Variants in AGK observed in about 807,000 individuals in gnomAD.
The protein encoded by AGK is acylglycerol kinase.
AGK carries 52 observed loss-of-function variants against 66.4 expected under a neutral mutation model. That is an observed-to-expected ratio of 0.78 (90% CI 0.63 to 0.99). The LOEUF (loss-of-function observed/expected upper bound fraction) is 0.99. AGK is among the 50% of genes least tolerant of loss of function. The probability of loss-of-function intolerance (pLI) is 0.00; values close to 1 mark genes in which losing one functional copy is unlikely to be tolerated. For missense variants in AGK, 451 were observed against 506.6 expected, an observed-to-expected ratio of 0.89 and a Z score of 1.05; for synonymous variants, 182 against 181.1, an observed-to-expected ratio of 1.00 and a Z score of -0.04.
chr7:141,639,698 T>C (rs774710877), intron 11 of AGK, among the ~76,000 whole-genome samples: 10 of 152,124 alleles, frequency 6.6e-5, no homozygotes, highest in Non-Finnish European at 1.5e-4. Flanking sequence ...TGAAGAAAGA[T>C]GAATGTAGGA....
chr7:141,609,312 C>T (rs548835625), intron 5 of AGK, among the ~76,000 whole-genome samples: 13 of 152,294 alleles, frequency 8.5e-5, no homozygotes, highest in Non-Finnish European at 1.3e-4. Context: ...ACACTTCAGG[C>T]GCCAGTCTCA....
At chr7:141,577,877 G>A (rs568032489) in intron 2 of AGK, among the ~76,000 whole-genome samples, 12 of 150,260 alleles carry the variant, frequency 8.0e-5, no homozygotes, top group African/African-American at 2.9e-4. Context: ...GGCGTGCAGT[G>A]GTGTGATCTC....
rs1228189116 is a variant in AGK at position 141,653,784 on chromosome 7, AT to A, written c.*864del. On this transcript the variant is annotated 3_prime_UTR_variant, in exon 16 of 16. Transcript: ENST00000649286. Reference sequence around the variant, plus strand: ...TCACCCATCTAAGTTGATATCTAAAATTTTATCTAAGTTGGTATCTAAAATT... The same window carrying A: ...TCACCCATCTAAGTTGATATCTAAAATTTATCTAAGTTGGTATCTAAAATT... The A allele has an allele frequency of 2.0e-5, 3 of 152,204 alleles. No individual in the cohort carries two copies. The highest frequency in any genetic ancestry group is 4.4e-5 in the Non-Finnish European group (3 of 68,036). The allele number at this position is 152,204 out of a possible 1,614,324, so 9.4% of individuals were successfully genotyped here. A position where few individuals can be genotyped will look rare whatever the true frequency, so the allele number is the denominator to read the frequency against.
At chr7:141,564,245 A>G (rs539473383) in intron 2 of AGK, among the ~76,000 whole-genome samples, 1 of 152,178 alleles carries the variant, frequency 6.6e-6, no homozygotes, top group African/African-American at 2.4e-5. Context: ...TGACCACTGT[A>G]TTAGTTTGTT....
At chr7:141,632,214 A>T (rs1453166063) in intron 9 of AGK, among the ~76,000 whole-genome samples, 1 of 151,540 alleles carries the variant, frequency 6.6e-6, no homozygotes, top group Non-Finnish European at 1.5e-5. Context: ...CTGGGCAACA[A>T]GAGTGAAACT....
intron 3 of AGK, chr7:141,593,553 G>A: frequency 1.7e-6 from 1 of 572,854 alleles, no homozygotes; most frequent in South Asian, 2.4e-5. Flanking sequence ...TTCAGAGCAA[G>A]TGTTACCTCT....
intron 14 of AGK, chr7:141,650,664 G>A: frequency 1.0e-6 from 1 of 985,396 alleles, no homozygotes; most frequent in Non-Finnish European, 1.2e-6. Context: ...TGGAGTGTGT[G>A]TCTGTATATG....
At chr7:141,556,409 C>T (rs553619976) in intron 2 of AGK, among the ~76,000 whole-genome samples, 9 of 151,982 alleles carry the variant, frequency 5.9e-5, no homozygotes, top group Non-Finnish European at 1.0e-4. Context: ...GCAGTAGTGG[C>T]GTGCACCTGT....
chr7:141,612,611 T>C (rs1796614502), intron 6 of AGK, among the ~76,000 whole-genome samples: 1 of 152,122 alleles, frequency 6.6e-6, no homozygotes, highest in Non-Finnish European at 1.5e-5. Context: ...ATGTTGATAA[T>C]GGGCGGAAGG....
In AGK at chr7:141,555,120, G is replaced by A. The variant is rs186615594; in HGVS notation, c.-14-333G>A. ...GAGTTAGAAAAACCAGAGGAAGCCT[G>A]GAATTCCCTTCCTCTCTTTCTGCCC... On this transcript the variant is annotated intron_variant, in intron 1 of 15. Coordinates refer to ENST00000649286, the MANE Select transcript of AGK (RefSeq NM_018238.4). The surrounding 1 kb of genome is among the most constrained non-coding windows in gnomAD (Gnocchi z 4.2). 1.4e-3 allele frequency among the ~76,000 whole-genome samples: 220 copies of A among 152,252 alleles called. 2 individuals are homozygous for A. Among genetic ancestry groups the A allele is most frequent in the Non-Finnish European group, 2.3e-3 (157 of 68,024 alleles).
rs747380373 is a variant in AGK, at chr7:141,593,136, A to T, written c.102-10A>T. The T allele has an allele frequency of 6.2e-7, 1 of 1,609,420 alleles. No individual in the cohort carries two copies. Among genetic ancestry groups the T allele is most frequent in the Non-Finnish European group, 8.5e-7 (1 of 1,177,718 alleles). ...AGCTAATGATTATTCTCTTTTGCTTACTTTGATAGTGATAACCTCCTAAGG... is the reference window on the plus strand; with the variant it reads ...AGCTAATGATTATTCTCTTTTGCTTTCTTTGATAGTGATAACCTCCTAAGG... On this transcript the variant is annotated splice_polypyrimidine_tract_variant and intron_variant, in intron 2 of 15. Transcript: ENST00000649286.
At chr7:141,648,924 T>C (rs1797481693) in intron 13 of AGK, among the ~76,000 whole-genome samples, 1 of 152,094 alleles carries the variant, frequency 6.6e-6, no homozygotes, top group Admixed American at 6.5e-5. Context: ...GGCTGAAAGC[T>C]TGGCCTGCAA....
At chr7:141,624,670 G>A (rs1186244727) in intron 9 of AGK, among the ~76,000 whole-genome samples, 1 of 152,196 alleles carries the variant, frequency 6.6e-6, no homozygotes, top group Non-Finnish European at 1.5e-5. Context: ...AATTTGAATG[G>A]ATGAAGAGTT....
intron 8 of AGK, among the ~76,000 whole-genome samples, chr7:141,620,577 TTTGGAAACC>T (rs1796803010): frequency 1.5e-5 from 1 of 67,252 alleles, no homozygotes; most frequent in Non-Finnish European, 4.5e-5. Flanking sequence ...TGGAAACCAC[TTTGGAAACC>T]ACTTTGGAAA....
chr7:141,587,536 T>A (rs1286415248), intron 2 of AGK, among the ~76,000 whole-genome samples: 1 of 152,186 alleles, frequency 6.6e-6, no homozygotes, highest in Non-Finnish European at 1.5e-5. Context: ...CTCCAGCGGT[T>A]CCGAACTACT....
chr7:141,582,594 T>C (rs1051134555), intron 2 of AGK, among the ~76,000 whole-genome samples: 12 of 152,018 alleles, frequency 7.9e-5, no homozygotes, highest in African/African-American at 2.9e-4. Context: ...TGTTGCCAAA[T>C]GGGCCATGAA....
chr7:141,606,698 CAT>C (rs1348291981), intron 5 of AGK, among the ~76,000 whole-genome samples: 1 of 152,142 alleles, frequency 6.6e-6, no homozygotes, highest in African/African-American at 2.4e-5. Context: ...TTTTCATTTG[CAT>C]AGTTTTCATT....
chr7:141,552,171 C>T (rs1043334792), intron 1 of AGK, among the ~76,000 whole-genome samples: 1 of 152,200 alleles, frequency 6.6e-6, no homozygotes, highest in Non-Finnish European at 1.5e-5. Flanking sequence ...CAGATTATGG[C>T]AATAACTTCC....
At chr7:141,595,099 A>G (rs1338358380) in intron 3 of AGK, among the ~76,000 whole-genome samples, 2 of 152,200 alleles carry the variant, frequency 1.3e-5, no homozygotes, top group African/African-American at 2.4e-5. Flanking sequence ...TGAAAACATG[A>G]TATTTAATAA....
Sources: allele counts gnomAD v4.1 joint callset (sites outside exome capture counted in the v4.1 genomes callset), GRCh38; gene constraint gnomAD v4.1.1; non-coding constraint Gnocchi (gnomAD v3.1); transcripts MANE v1.5; gene names NCBI Gene and HGNC (gene_info 2026-07-23, HGNC 2026-07-21).